TEX14: variants seen among roughly 807,000 people sequenced by gnomAD.
TEX14 encodes the protein testis expressed 14, intercellular bridge forming factor.
In TEX14, 168 loss-of-function variants were observed where a neutral mutation model predicts 178.6. The observed-to-expected ratio is 0.94, with a 90% CI of 0.83 to 1.07. The LOEUF (loss-of-function observed/expected upper bound fraction) is 1.07. Among genes scored for constraint, TEX14 ranks in the 50% least tolerant of loss-of-function variants. The probability of loss-of-function intolerance (pLI) is 0.00; values close to 1 mark genes in which losing one functional copy is unlikely to be tolerated. For missense variants in TEX14, 1,730 were observed against 1,753.6 expected, an observed-to-expected ratio of 0.99 and a Z score of 0.24; for synonymous variants, 626 against 634.1, an observed-to-expected ratio of 0.99 and a Z score of 0.19.
Position 58,616,898 on chromosome 17 carries a change from G to A in TEX14, c.637-593C>T, listed in dbSNP as rs116916213. 1.4e-3 allele frequency among the ~76,000 whole-genome samples: 218 copies of A among 152,266 alleles called. 8 individuals are homozygous for A. The East Asian group carries it at 0.033, about 23-fold the overall frequency. ...CCCCACAGCACCCAGGATTGTGTGC[G>A]GCCAAATCTGATATTCCTCCTCTCC... On this transcript the variant is annotated intron_variant, in intron 6 of 31. Coordinates refer to ENST00000349033, the MANE Select transcript of TEX14 (RefSeq NM_031272.5).
At chr17:58,596,798 C>T (rs2045295665) in intron 14 of TEX14, among the ~76,000 whole-genome samples, 1 of 151,928 alleles carries the variant, frequency 6.6e-6, no homozygotes. Flanking sequence ...ACAAAATTAG[C>T]CAGGTGTGCT....
At chr17:58,666,771 C>T (rs1325451803) in intron 1 of TEX14, 1 of 152,162 alleles carries the variant, frequency 6.6e-6, no homozygotes, top group Non-Finnish European at 1.5e-5. Flanking sequence ...CCTGAAATGA[C>T]TCTAATTGGA....
intron 1 of TEX14, among the ~76,000 whole-genome samples, chr17:58,656,146 C>A (rs891595453): frequency 2.0e-5 from 3 of 151,826 alleles, no homozygotes; most frequent in Non-Finnish European, 4.4e-5. Context: ...ACAAAAAGTA[C>A]GAAAATTAGC....
intron 10 of TEX14, among the ~76,000 whole-genome samples, chr17:58,609,252 G>A (rs1302312960): frequency 6.6e-6 from 1 of 152,194 alleles, no homozygotes; most frequent in Non-Finnish European, 1.5e-5. Context: ...CGGGACTACA[G>A]GCGCCTGCCA....
At chr17:58,576,919 C>T (rs555496095) in intron 21 of TEX14, among the ~76,000 whole-genome samples, 1 of 152,272 alleles carries the variant, frequency 6.6e-6, no homozygotes, top group Non-Finnish European at 1.5e-5. Context: ...TCTGTTTAAT[C>T]ATTTACTTGG....
chr17:58,671,309 T>C (rs1243056167), intron 1 of TEX14, among the ~76,000 whole-genome samples: 1 of 152,198 alleles, frequency 6.6e-6, no homozygotes, highest in African/African-American at 2.4e-5. Flanking sequence ...AAGTAACTTT[T>C]TGTGCCATCC....
chr17:58,633,193 C>T (rs114114779), intron 2 of TEX14, among the ~76,000 whole-genome samples: 38 of 152,294 alleles, frequency 2.5e-4, no homozygotes, highest in African/African-American at 7.5e-4. Context: ...CTAATCCCAA[C>T]TTATCTTCAT....
In TEX14 at chr17:58,611,287, T is replaced by C. The variant is rs568505703; in HGVS notation, c.1058A>G (p.Gln353Arg). 2 of 1,613,386 alleles carry C rather than the reference T, an allele frequency of 1.2e-6. No individual in the cohort carries two copies. The highest frequency in any genetic ancestry group is 3.3e-5 in the Admixed American group (2 of 59,954). The change falls in exon 10 of 32, where the codon CAG (glutamine) becomes CGG (arginine). Residue 353 changes from glutamine to arginine, a missense_variant. Gln to Arg is a conservative substitution (Grantham distance 43, BLOSUM62 1). This residue lies in a region of TEX14 where 789 missense variants were observed against 681.2 expected (regional missense o/e 1.16). Coordinates refer to ENST00000349033, the MANE Select transcript of TEX14 (RefSeq NM_031272.5). ...CAGGTATCTCAGGGCATCAGATATC[T>C]GGAGCAGCAGGTGCACAATCACCTC... is the stretch of plus-strand genomic sequence containing the variant. ...HMEVIVHLLL[Q>R]ISDALRYLHF...
chr17:58,570,622 T>A, intron 24 of TEX14, 138 bp from the exon 25 acceptor site: 1 of 325,492 alleles, frequency 3.1e-6, no homozygotes, highest in Non-Finnish European at 5.2e-6. Context: ...CCTCCTTTTT[T>A]TTTTTTTTTT....
At chr17:58,644,342 G>GT (rs1409530268) in intron 2 of TEX14, among the ~76,000 whole-genome samples, 6 of 151,690 alleles carry the variant, frequency 4.0e-5, no homozygotes, top group East Asian at 3.9e-4. Context: ...TTTTGTTTTT[G>GT]TTTTTTTTGA....
intron 13 of TEX14, among the ~76,000 whole-genome samples, chr17:58,600,441 G>A (rs918154815): frequency 6.6e-6 from 1 of 151,718 alleles, no homozygotes; most frequent in Non-Finnish European, 1.5e-5. Context: ...CATGCCTGTA[G>A]TCTCAGCTAC....
intron 2 of TEX14, among the ~76,000 whole-genome samples, chr17:58,646,028 T>C (rs902490928): frequency 1.3e-5 from 2 of 152,204 alleles, no homozygotes; most frequent in African/African-American, 4.8e-5. Flanking sequence ...TATTTTTTAT[T>C]GTAGTGTTAT....
At chr17:58,676,115 C>T (rs923084900) in intron 1 of TEX14, among the ~76,000 whole-genome samples, 3 of 152,152 alleles carry the variant, frequency 2.0e-5, no homozygotes. Flanking sequence ...GTTGCTCACG[C>T]CTGTGATCCC....
intron 21 of TEX14, among the ~76,000 whole-genome samples, chr17:58,574,982 C>CA (rs1251268369): frequency 5.3e-5 from 8 of 151,888 alleles, no homozygotes; most frequent in Non-Finnish European, 1.0e-4. Context: ...AGGCTTGTAC[C>CA]AAAAAATGGC....
chr17:58,687,918 G>T (rs1371250369), intron 1 of TEX14, among the ~76,000 whole-genome samples: 1 of 152,024 alleles, frequency 6.6e-6, no homozygotes, highest in Non-Finnish European at 1.5e-5. Flanking sequence ...GCTCCATGAG[G>T]GCAGAGAATC....
intron 2 of TEX14, among the ~76,000 whole-genome samples, chr17:58,642,352 T>A (rs1391925363): frequency 6.6e-6 from 1 of 152,130 alleles, no homozygotes; most frequent in Non-Finnish European, 1.5e-5. Context: ...GCAGTCAGTC[T>A]TATTCAACCG....
chr17:58,615,242 C>A lies in TEX14; in HGVS notation c.871G>T (p.Glu291Ter). ...RLADLLIAEQ[E>*]HSSKLRHPYL... ...GGGCTTCCTTCTCACCTGCTGTGTT[C>A]CTGCTCGGCAATTAACAAGTCGGCC... is the stretch of plus-strand genomic sequence containing the variant. Residue 291 changes from glutamate to a stop codon, truncating the protein, a stop_gained, in exon 8 of 32, where the codon GAA becomes TAA. Coordinates refer to ENST00000349033, the MANE Select transcript of TEX14 (RefSeq NM_031272.5). LOFTEE classifies it high-confidence loss of function. 1 of 1,610,850 alleles carries A rather than the reference C, an allele frequency of 6.2e-7. No individual in the cohort carries two copies. Among genetic ancestry groups the A allele is most frequent in the Non-Finnish European group, 8.5e-7 (1 of 1,177,154 alleles).
chr17:58,603,066 A>C (rs1330509155), intron 11 of TEX14, among the ~76,000 whole-genome samples: 2 of 151,754 alleles, frequency 1.3e-5, no homozygotes, highest in Non-Finnish European at 2.9e-5. Flanking sequence ...AAACAAAAAA[A>C]CAAAAAAAAA....
chr17:58,632,962 G>A (rs976383449), intron 2 of TEX14, among the ~76,000 whole-genome samples: 6 of 152,128 alleles, frequency 3.9e-5, no homozygotes, highest in Non-Finnish European at 8.8e-5. Context: ...TGTTCTTCGT[G>A]CCTCTAAGCC....
Sources: allele counts gnomAD v4.1 joint callset (sites outside exome capture counted in the v4.1 genomes callset), GRCh38; gene constraint gnomAD v4.1.1; regional missense constraint gnomAD v4.1.1; transcripts MANE v1.5; gene names NCBI Gene and HGNC (gene_info 2026-07-23, HGNC 2026-07-21).